The following APTX variants were observed in gnomAD, a reference collection of about 807,000 sequenced individuals.
APTX encodes the protein forkhead-associated domain histidine triad-like protein.
A neutral mutation model predicts 42.3 loss-of-function variants in APTX; 33 were observed. That is an observed-to-expected ratio of 0.78 (90% CI 0.59 to 1.04). APTX has a LOEUF of 1.04. Among genes scored for constraint, APTX ranks in the 50% least tolerant of loss-of-function variants. The pLI is 0.00. For synonymous variants in APTX, 130 were observed against 146.7 expected (o/e 0.89, Z 0.82); for missense variants, 421 against 415.1 (o/e 1.01, Z -0.12).
At chr9:33,000,522 G>A (rs1411347098) in intron 1 of APTX, among the ~76,000 whole-genome samples, 1 of 151,250 alleles carries the variant, frequency 6.6e-6, no homozygotes, top group African/African-American at 2.4e-5. Flanking sequence ...CAGCTCCTTG[G>A]GAGGCTGAGG....
intron 1 of APTX, among the ~76,000 whole-genome samples, chr9:32,999,263 G>T (rs1835698477): frequency 6.6e-6 from 1 of 152,194 alleles, no homozygotes; most frequent in Non-Finnish European, 1.5e-5. Flanking sequence ...GGGGAATGAT[G>T]GGTCTGAGAG....
chr9:32,990,226 G>A (rs559024158), intron 1 of APTX: 3 of 229,662 alleles, frequency 1.3e-5, no homozygotes, highest in East Asian at 1.1e-4. Flanking sequence ...AGGCTGGCAC[G>A]CAGTGGCACA....
At chr9:32,976,791 A>C (rs1263502359) in intron 6 of APTX, among the ~76,000 whole-genome samples, 2 of 152,242 alleles carry the variant, frequency 1.3e-5, no homozygotes, top group Non-Finnish European at 2.9e-5. Context: ...TTCCAAAAGT[A>C]AAATCTATTA....
chr9:32,989,314 G>A (rs756057322), intron 2 of APTX, among the ~76,000 whole-genome samples: 1 of 152,126 alleles, frequency 6.6e-6, no homozygotes, highest in Non-Finnish European at 1.5e-5. Flanking sequence ...TGAGGGCAAG[G>A]ACTTTCATGT....
chr9:33,021,502 A>G (rs990098678), intron 1 of APTX, among the ~76,000 whole-genome samples: 1 of 152,180 alleles, frequency 6.6e-6, no homozygotes. Flanking sequence ...AAGTAGTACC[A>G]TGTATTTCAG....
intron 7 of APTX, 28 bp downstream of exon 7, chr9:32,974,428 CAA>C: frequency 1.5e-6 from 2 of 1,363,876 alleles, no homozygotes. Context: ...GAAAATGAAA[CAA>C]ATGTGAAAAC....
At chr9:33,012,781 A>G (rs1230235997) in intron 1 of APTX, among the ~76,000 whole-genome samples, 7 of 152,136 alleles carry the variant, frequency 4.6e-5, no homozygotes, top group Non-Finnish European at 1.0e-4. Context: ...TTAAGTCACC[A>G]ATTTTGAGGG....
intron 1 of APTX, among the ~76,000 whole-genome samples, chr9:33,020,460 C>G (rs1213437472): frequency 6.6e-6 from 1 of 152,212 alleles, no homozygotes; most frequent in Non-Finnish European, 1.5e-5. Context: ...GATCTCATCG[C>G]TCACCATAAA....
Position 32,986,032 on chromosome 9 carries a change from T to TAAAAAAAAATAAAAAA in APTX, c.484-3_484-2insTTTTTTATTTTTTTTT. The TAAAAAAAAATAAAAAA allele has an allele frequency of 1.4e-6, 1 of 732,442 alleles. No homozygotes were observed. Among genetic ancestry groups the TAAAAAAAAATAAAAAA allele is most frequent in the Non-Finnish European group, 1.9e-6 (1 of 529,780 alleles). 45.4% of individuals were successfully genotyped at this position (732,442 alleles called of 1,614,324 possible). ...TTGACTCCAGTGGCCCAGGGATTCC[T>TAAAAAAAAATAAAAAA]AAAAAAAAAACAAAAAAAAAAACAA... is the stretch of plus-strand genomic sequence containing the variant. On this transcript the variant is annotated splice_polypyrimidine_tract_variant and splice_region_variant and intron_variant, in intron 4 of 7. Coordinates refer to ENST00000379817, the MANE Select transcript of APTX (RefSeq NM_001195248.2).
intron 6 of APTX, among the ~76,000 whole-genome samples, chr9:32,979,154 TA>T (rs1210316243): frequency 6.6e-6 from 1 of 152,168 alleles, no homozygotes; most frequent in Non-Finnish European, 1.5e-5. Context: ...ATAAGCATAG[TA>T]CCCCATAGGC....
chr9:32,989,464 C>G (rs908230184), intron 2 of APTX: 2 of 511,386 alleles, frequency 3.9e-6, no homozygotes, highest in African/African-American at 3.8e-5. Context: ...CATCTTGCTG[C>G]CCATTGAGCA....
rs1470209993 is a variant in APTX at position 32,974,499 on chromosome 9, T to C, written c.833A>G (p.His278Arg). 1 of 1,611,844 alleles carries C rather than the reference T, an allele frequency of 6.2e-7. No homozygotes were observed. The highest frequency in any genetic ancestry group is 1.1e-5 in the South Asian group (1 of 91,046). ...FDSPCLKNKK[H>R]WNSFNTEYFL... ...GTATTCTGTATTGAAAGAATTCCAA[T>C]GTTTTTTGTTTTTAAGGCAAGGAGA... Residue 278 changes from histidine (H) to arginine (R), a missense_variant, in exon 7 of 8, where the codon CAT becomes CGT. Transcript: ENST00000379817.
chr9:33,008,603 G>A (rs1837324279), intron 1 of APTX, among the ~76,000 whole-genome samples: 1 of 149,700 alleles, frequency 6.7e-6, no homozygotes, highest in African/African-American at 2.5e-5. Context: ...CCAGGCTGGA[G>A]TGCAGTGGCA....
At chr9:33,014,822 G>A (rs910961834) in intron 1 of APTX, among the ~76,000 whole-genome samples, 2 of 152,278 alleles carry the variant, frequency 1.3e-5, no homozygotes, top group South Asian at 2.1e-4. Context: ...CTGGTCACCC[G>A]GTCAGGGATA....
rs1420592729 is a variant in APTX, at chr9:32,973,259, T to C, written c.*239A>G. The stretch of plus-strand genomic sequence containing the variant: ...CTGACATGGGTCCTTCTGAAGATGG[T>C]GGGTCAGGTATATCCCAGCCACCCT... On this transcript the variant is annotated 3_prime_UTR_variant, in exon 8 of 8. Transcript: ENST00000379817. 1.6e-6 allele frequency: 1 copy of C among 613,850 alleles called. No homozygotes were observed. 38.0% of individuals were successfully genotyped at this position (613,850 alleles called of 1,614,324 possible). A position where few individuals can be genotyped will look rare whatever the true frequency, so the allele number is the denominator to read the frequency against.
chr9:32,986,933 C>T (rs1311223235), intron 4 of APTX, among the ~76,000 whole-genome samples: 5 of 152,108 alleles, frequency 3.3e-5, no homozygotes, highest in Non-Finnish European at 5.9e-5. Context: ...CTCAGCCTCC[C>T]GAGTAGCTGG....
At chr9:33,010,465 A>C (rs1328407574) in intron 1 of APTX, among the ~76,000 whole-genome samples, 1 of 152,180 alleles carries the variant, frequency 6.6e-6, no homozygotes, top group South Asian at 2.1e-4. Flanking sequence ...CACACCTGTA[A>C]TCCCAGCACT....
chr9:32,999,598 T>C (rs986931424), intron 1 of APTX, among the ~76,000 whole-genome samples: 5 of 152,188 alleles, frequency 3.3e-5, no homozygotes, highest in Non-Finnish European at 5.9e-5. Context: ...AGGGTATAAA[T>C]CTTGATGACT....
chr9:33,016,327 T>C (rs1837896555), intron 1 of APTX: 1 of 152,226 alleles, frequency 6.6e-6, no homozygotes, highest in Admixed American at 6.5e-5. Context: ...TTAGCTTTTT[T>C]TCTTAAGCGT....
Sources: allele counts gnomAD v4.1 joint callset (sites outside exome capture counted in the v4.1 genomes callset), GRCh38; gene constraint gnomAD v4.1.1; transcripts MANE v1.5; gene names NCBI Gene and HGNC (gene_info 2026-07-23, HGNC 2026-07-21).